Variants in LHFPL6 observed in about 807,000 individuals in gnomAD.
The protein encoded by LHFPL6 is LHFPL tetraspan subfamily member 6.
LHFPL6 carries 9 observed loss-of-function variants against 20.6 expected under a neutral mutation model. That is an observed-to-expected ratio of 0.44 (90% CI 0.26 to 0.76). The LOEUF (loss-of-function observed/expected upper bound fraction) is 0.76. LHFPL6 is among the 30% of genes least tolerant of loss of function. The probability of loss-of-function intolerance (pLI) is 0.20; values close to 1 mark genes in which losing one functional copy is unlikely to be tolerated. For missense variants in LHFPL6, 218 were observed against 253.5 expected (o/e 0.86, Z 0.95); for synonymous variants, 105 against 98.7 (o/e 1.06, Z -0.38).
intron 2 of LHFPL6, among the ~76,000 whole-genome samples, chr13:39,427,030 A>G (rs1224849313): frequency 2.8e-5 from 4 of 143,718 alleles, no homozygotes; most frequent in Admixed American, 6.7e-5. Flanking sequence ...TCTCCACTGA[A>G]TTGCCTTAAT....
intron 2 of LHFPL6, among the ~76,000 whole-genome samples, chr13:39,425,642 T>C (rs1444510582): frequency 6.6e-6 from 1 of 152,216 alleles, no homozygotes; most frequent in African/African-American, 2.4e-5. Flanking sequence ...ATGTGGAGCA[T>C]CTTATATGCT....
chr13:39,467,690 AAC>A (rs898665282), intron 2 of LHFPL6, among the ~76,000 whole-genome samples: 5 of 152,196 alleles, frequency 3.3e-5, no homozygotes, highest in Admixed American at 3.3e-4. Flanking sequence ...CTAAAAATTA[AAC>A]ACCACACCTA....
chr13:39,530,102 G>C (rs1022123179), intron 2 of LHFPL6, among the ~76,000 whole-genome samples: 1 of 151,970 alleles, frequency 6.6e-6, no homozygotes, highest in African/African-American at 2.4e-5. Flanking sequence ...TGAACATAAA[G>C]TGGGAAAAGG....
At chr13:39,492,704 G>A (rs561948937) in intron 2 of LHFPL6, among the ~76,000 whole-genome samples, 11 of 151,166 alleles carry the variant, frequency 7.3e-5, no homozygotes, top group South Asian at 2.1e-4. Context: ...CACTCCTGTC[G>A]CCCAGGCTGG....
intron 2 of LHFPL6, among the ~76,000 whole-genome samples, chr13:39,594,348 C>CA (rs1310585198): frequency 9.2e-5 from 14 of 152,030 alleles, no homozygotes; most frequent in South Asian, 2.1e-4. Flanking sequence ...TTTATGCAGC[C>CA]AAAAAACACA....
At chr13:39,482,312 C>T (rs1274017279) in intron 2 of LHFPL6, among the ~76,000 whole-genome samples, 1 of 152,064 alleles carries the variant, frequency 6.6e-6, no homozygotes, top group Non-Finnish European at 1.5e-5. Context: ...GGCATGGTGG[C>T]ACATGCCTGT....
At chr13:39,367,447 A>G (rs149724733) in intron 3 of LHFPL6, among the ~76,000 whole-genome samples, 2 of 152,380 alleles carry the variant, frequency 1.3e-5, no homozygotes, top group Non-Finnish European at 2.9e-5. Context: ...ATTTATTTGC[A>G]TAACACTTCT....
chr13:39,354,787 C>A (rs1869682640), intron 3 of LHFPL6, among the ~76,000 whole-genome samples: 1 of 151,786 alleles, frequency 6.6e-6, no homozygotes, highest in South Asian at 2.1e-4. Flanking sequence ...ACAGAATAGA[C>A]CAAGCTGAGG....
At chr13:39,375,702 A>AAG (rs1870276782) in intron 3 of LHFPL6, among the ~76,000 whole-genome samples, 1 of 144,508 alleles carries the variant, frequency 6.9e-6, no homozygotes, top group East Asian at 1.9e-4. Context: ...AAAAAAAAAA[A>AAG]GGAAAGTGAA....
At chr13:39,422,007 T>G (rs1871503372) in intron 2 of LHFPL6, among the ~76,000 whole-genome samples, 1 of 152,226 alleles carries the variant, frequency 6.6e-6, no homozygotes, top group Non-Finnish European at 1.5e-5. Flanking sequence ...GGGTTTTTTA[T>G]TGTTGCTACC....
At chr13:39,550,637 A>G (rs973193826) in intron 2 of LHFPL6, among the ~76,000 whole-genome samples, 1 of 152,122 alleles carries the variant, frequency 6.6e-6, no homozygotes, top group Non-Finnish European at 1.5e-5. Context: ...TTGAATAAAC[A>G]TAAGAGGTAA....
At chr13:39,434,416 C>T (rs1394456969) in intron 2 of LHFPL6, among the ~76,000 whole-genome samples, 1 of 152,204 alleles carries the variant, frequency 6.6e-6, no homozygotes, top group Non-Finnish European at 1.5e-5. Context: ...GTTTCTCTAT[C>T]AAGCATTTGC....
intron 2 of LHFPL6, among the ~76,000 whole-genome samples, chr13:39,562,535 T>C (rs1457709799): frequency 7.3e-6 from 1 of 136,550 alleles, no homozygotes; most frequent in African/African-American, 2.5e-5. Flanking sequence ...TATACACATA[T>C]ATACACATAT....
intron 2 of LHFPL6, among the ~76,000 whole-genome samples, chr13:39,564,897 T>C (rs917013562): frequency 1.3e-5 from 2 of 152,202 alleles, no homozygotes; most frequent in African/African-American, 2.4e-5. Flanking sequence ...CTCTATACCT[T>C]ATTATATCTT....
chr13:39,554,897 C>A (rs1871257274), intron 2 of LHFPL6, among the ~76,000 whole-genome samples: 1 of 152,172 alleles, frequency 6.6e-6, no homozygotes, highest in African/African-American at 2.4e-5. Context: ...GCATATGAAC[C>A]TTTGCATCCC....
intron 2 of LHFPL6, among the ~76,000 whole-genome samples, chr13:39,389,009 G>A (rs1014078732): frequency 2.6e-5 from 4 of 152,234 alleles, no homozygotes; most frequent in African/African-American, 7.2e-5. Context: ...AGGGACATTT[G>A]TGATGGGATT....
chr13:39,454,338 T>G (rs1872517848), intron 2 of LHFPL6, among the ~76,000 whole-genome samples: 1 of 101,942 alleles, frequency 9.8e-6, no homozygotes, highest in Non-Finnish European at 1.9e-5. Flanking sequence ...TCCTTAAGAG[T>G]TGTAATTGGG....
intron 2 of LHFPL6, among the ~76,000 whole-genome samples, chr13:39,451,099 G>T (rs983776547): frequency 6.6e-6 from 1 of 152,124 alleles, no homozygotes; most frequent in Non-Finnish European, 1.5e-5. Flanking sequence ...GCTTATGATT[G>T]CCCAGGAAAT....
At chr13:39,395,802 T>C (rs1475230445) in intron 2 of LHFPL6, among the ~76,000 whole-genome samples, 1 of 152,162 alleles carries the variant, frequency 6.6e-6, no homozygotes, top group African/African-American at 2.4e-5. Flanking sequence ...GACGTTAACA[T>C]TTAGAAGGGA....
Sources: allele counts gnomAD v4.1 joint callset (sites outside exome capture counted in the v4.1 genomes callset), GRCh38; gene constraint gnomAD v4.1.1; transcripts MANE v1.5; gene names NCBI Gene and HGNC (gene_info 2026-07-23, HGNC 2026-07-21).